SRGAP3: variants seen among roughly 807,000 people sequenced by gnomAD.
SRGAP3 encodes the protein SLIT-ROBO Rho GTPase-activating protein 3.
In SRGAP3, 39 loss-of-function variants were observed where a neutral mutation model predicts 121.1. The observed-to-expected ratio is 0.32, with a 90% CI of 0.25 to 0.42. The LOEUF (loss-of-function observed/expected upper bound fraction) is 0.42, where lower values mean the gene tolerates loss of function less well. Among genes scored for constraint, SRGAP3 ranks in the 10% least tolerant of loss-of-function variants. The pLI, the probability that SRGAP3 is intolerant of heterozygous loss-of-function variation, is 1.00. For synonymous variants in SRGAP3, 601 were observed against 570.0 expected (o/e 1.05, Z -0.77); for missense variants, 1,213 against 1,470.6 (o/e 0.82, Z 2.86).
chr3:9,089,791 G>C (rs1947667468), intron 3 of SRGAP3, among the ~76,000 whole-genome samples: 1 of 152,202 alleles, frequency 6.6e-6, no homozygotes. Flanking sequence ...GGCAGGGTCT[G>C]ACCAGGCTCC....
At chr3:9,061,799 G>A (rs1041809928) in intron 5 of SRGAP3, among the ~76,000 whole-genome samples, 2 of 152,124 alleles carry the variant, frequency 1.3e-5, no homozygotes, top group Non-Finnish European at 1.5e-5. Context: ...ATCTCAGCAG[G>A]GACCCAATTG....
intron 3 of SRGAP3, among the ~76,000 whole-genome samples, chr3:9,295,981 T>C (rs1025529783): frequency 6.6e-6 from 1 of 152,206 alleles, no homozygotes; most frequent in African/African-American, 2.4e-5. Context: ...TTCCTTCCTT[T>C]TGAGGCTGAA....
chr3:9,049,209 TA>T (rs1945435002), intron 9 of SRGAP3: 4 of 345,776 alleles, frequency 1.2e-5, no homozygotes, highest in South Asian at 9.2e-5. Context: ...CCCACTGGGG[TA>T]GGGGCTGACA....
intron 1 of SRGAP3, among the ~76,000 whole-genome samples, chr3:9,125,454 T>C (rs190871928): frequency 6.6e-6 from 1 of 152,354 alleles, no homozygotes; most frequent in East Asian, 1.9e-4. Context: ...ACTTTCTCCA[T>C]GTGTAGTCAG....
intron 1 of SRGAP3, among the ~76,000 whole-genome samples, chr3:9,141,190 A>G (rs1324707682): frequency 1.3e-5 from 2 of 152,144 alleles, no homozygotes; most frequent in Non-Finnish European, 2.9e-5. Flanking sequence ...AGCTGTCTCC[A>G]CTTTGACCCC....
chr3:9,053,246 AC>A, intron 8 of SRGAP3, 22 bp from the exon 9 acceptor site: 1 of 1,609,280 alleles, frequency 6.2e-7, no homozygotes, highest in Non-Finnish European at 8.5e-7. Flanking sequence ...CAGCAGATTG[AC>A]AAAAATCCTG....
At chr3:9,207,954 G>A (rs370026318) in intron 1 of SRGAP3, among the ~76,000 whole-genome samples, 25 of 152,228 alleles carry the variant, frequency 1.6e-4, no homozygotes, top group Admixed American at 5.2e-4. Flanking sequence ...GTCTCACTGC[G>A]GAGTCTGAGC....
intron 3 of SRGAP3, among the ~76,000 whole-genome samples, chr3:9,255,442 C>T (rs1954111106): frequency 6.6e-6 from 1 of 152,198 alleles, no homozygotes; most frequent in Admixed American, 6.5e-5. Flanking sequence ...AAGATGGCCC[C>T]CAAAACCCCC....
At chr3:9,144,430 A>G (rs1949958379) in intron 1 of SRGAP3, among the ~76,000 whole-genome samples, 1 of 151,938 alleles carries the variant, frequency 6.6e-6, no homozygotes, top group African/African-American at 2.4e-5. Flanking sequence ...TCTCCTCTCC[A>G]CCTCAGCCCC....
At chr3:9,138,280 A>AC (rs76239454) in intron 1 of SRGAP3, among the ~76,000 whole-genome samples, 18 of 152,358 alleles carry the variant, frequency 1.2e-4, no homozygotes, top group South Asian at 4.1e-4. Context: ...CATAAATGGA[A>AC]CCCCCCCCAC....
intron 1 of SRGAP3, among the ~76,000 whole-genome samples, chr3:9,187,784 C>T (rs1345099123): frequency 4.6e-5 from 7 of 152,224 alleles, no homozygotes; most frequent in African/African-American, 9.6e-5. Flanking sequence ...ACCGAACGCT[C>T]GCTCACTGGA....
At position 9,096,974 on chromosome 3, in the gene SRGAP3, TATATATAC is replaced by T. The variant is rs1165092176; in HGVS notation, c.423+7698_423+7705del. 4.3e-3 allele frequency among the ~76,000 whole-genome samples: 390 copies of T among 89,914 alleles called. 3 individuals are homozygous for T. The highest frequency in any genetic ancestry group is 0.011 in the African/African-American group (210 of 18,302). The allele number at this position is 89,914 out of a possible 152,430, so 59.0% of individuals were successfully genotyped here. On this transcript the variant is annotated intron_variant, in intron 3 of 21. Transcript: ENST00000383836. ...ATATATATATATATATATATATATA[TATATATAC>T]ACATACACACACATATATATATATT...
rs751070814 is a variant in SRGAP3 at position 9,013,319 on chromosome 3, C to T, written c.2136G>A (p.Gly712=). The stretch of plus-strand genomic sequence containing the variant: ...GAATGGCATCTTACCAATATTCTTC[C>T]CCTCCAGCCATGCATTTTTCATACA... ...GPVYEKCMAG[G]EEYCDSPHSE... is the part of the protein sequence containing the mutation. The change falls in exon 17 of 22, where the codon GGG becomes GGA. Residue 712 remains glycine (G), a synonymous_variant. Transcript: ENST00000383836. 1 of 1,613,966 alleles carries T rather than the reference C, an allele frequency of 6.2e-7. No homozygotes were observed.
chr3:9,241,473 T>C (rs1953634434), intron 1 of SRGAP3, among the ~76,000 whole-genome samples: 1 of 152,206 alleles, frequency 6.6e-6, no homozygotes, highest in African/African-American at 2.4e-5. Flanking sequence ...CACACCCCAC[T>C]GAGACGGCTG....
rs183362311 is a variant in SRGAP3 at position 9,125,257 on chromosome 3, G to C, written c.68-340C>G. Among the ~76,000 whole-genome samples, 619 of 152,266 alleles carry C rather than the reference G, an allele frequency of 4.1e-3. 3 individuals carry two copies. Among genetic ancestry groups the C allele is most frequent in the African/African-American group, 0.013 (549 of 41,538 alleles). On this transcript the variant is annotated intron_variant, in intron 1 of 21. Transcript: ENST00000383836. ...TCACCTTTCTTACGGAGATGATCTT[G>C]CTTAAAATGCAAAGGTTTCTATCAA...
intron 1 of SRGAP3, among the ~76,000 whole-genome samples, chr3:9,184,692 C>T (rs933900174): frequency 2.0e-5 from 3 of 152,094 alleles, no homozygotes; most frequent in Non-Finnish European, 2.9e-5. Context: ...AAAAGGCATT[C>T]GGAGGCTAAG....
At chr3:9,309,441 C>G (rs1174560590) in intron 3 of SRGAP3, among the ~76,000 whole-genome samples, 5 of 152,190 alleles carry the variant, frequency 3.3e-5, no homozygotes, top group Non-Finnish European at 7.3e-5. Flanking sequence ...GGTTTGATTG[C>G]CATACCCAGG....
At chr3:9,359,851 T>G (rs2125298444) in intron 1 of SRGAP3, among the ~76,000 whole-genome samples, 1 of 152,370 alleles carries the variant, frequency 6.6e-6, no homozygotes, top group African/African-American at 2.4e-5. Context: ...GTTTGTCTAT[T>G]CATTAGCTGA....
intron 4 of SRGAP3, among the ~76,000 whole-genome samples, chr3:9,067,594 G>A (rs540014538): frequency 7.2e-5 from 11 of 152,238 alleles, no homozygotes; most frequent in African/African-American, 1.4e-4. Flanking sequence ...CAAAGCAGGC[G>A]CCTATTTTGA....
Sources: allele counts gnomAD v4.1 joint callset (sites outside exome capture counted in the v4.1 genomes callset), GRCh38; gene constraint gnomAD v4.1.1; transcripts MANE v1.5; gene names NCBI Gene and HGNC (gene_info 2026-07-23, HGNC 2026-07-21).